KCNS1: variants seen among roughly 807,000 people sequenced by gnomAD.
KCNS1 encodes delayed-rectifier potassium channel regulatory subunit KCNS1.
A neutral mutation model predicts 33.1 loss-of-function variants in KCNS1; 26 were observed. That is an observed-to-expected ratio of 0.79 (90% confidence interval 0.58 to 1.09). The LOEUF (loss-of-function observed/expected upper bound fraction) is 1.09. Among genes scored for constraint, KCNS1 ranks in the 50% least tolerant of loss-of-function variants. KCNS1 has a pLI of 0.00. For synonymous variants in KCNS1, 299 were observed against 338.8 expected (o/e 0.88, Z 1.29); for missense variants, 702 against 752.4 (o/e 0.93, Z 0.78).
Position 45,097,970 on chromosome 20 carries a change from C to A in KCNS1, c.802G>T (p.Asp268Tyr). The A allele has an allele frequency of 2.6e-6, 4 of 1,553,738 alleles. No homozygotes were observed. The highest frequency in any genetic ancestry group is 3.5e-6 in the Non-Finnish European group (4 of 1,150,242). The change falls in exon 3 of 4, where the codon GAC becomes TAC. Residue 268 changes from aspartate to tyrosine, a missense_variant. Physicochemically the swap from Asp to Tyr is radical, Grantham distance 160. Coordinates refer to ENST00000537075, the MANE Select transcript of KCNS1 (RefSeq NM_001322799.2). ...AAGRSPEGVR[D>Y]DPVLRRLEYF... ...TCGAGGCGTCGCAGCACCGGGTCGT[C>A]GCGCACGCCTTCCGGGCTGCGGCCC...
At position 45,095,166 on chromosome 20, in the gene KCNS1, GCAC is replaced by G. The variant is rs1981143243; in HGVS notation, c.1282_1284del (p.Val428del). 1 of 1,613,954 alleles carries G rather than the reference GCAC, an allele frequency of 6.2e-7. No homozygotes were observed. Among genetic ancestry groups the G allele is most frequent in the Admixed American group, 1.7e-5 (1 of 60,008 alleles). On this transcript the variant is annotated inframe_deletion, in exon 4 of 4. Transcript: ENST00000537075. Reference sequence around the variant, plus strand: ...GCCAGCTTGCCAGCCACCGTCACTGGCACCACATCCCCATAGCCCACGGTGGTC... The same window carrying G: ...GCCAGCTTGCCAGCCACCGTCACTGGCACATCCCCATAGCCCACGGTGGTC...
At position 45,098,697 on chromosome 20, in the gene KCNS1, T is replaced by C; in HGVS notation, c.77-2A>G. On this transcript the variant is annotated splice_acceptor_variant, in intron 2 of 3. Coordinates refer to ENST00000537075, the MANE Select transcript of KCNS1 (RefSeq NM_001322799.2). LOFTEE classifies it high-confidence loss of function. This position sits in a 1 kb window ranked among gnomAD's most constrained non-coding sequence, Gnocchi z 5.2. The stretch of plus-strand genomic sequence containing the variant: ...TCACAAAGGTTTCAGTGCTCCTCCC[T>C]GCGGACACCAGAAGGGCGCGCTGAG... The C allele has an allele frequency of 7.1e-7, 1 of 1,408,148 alleles. No homozygotes were observed. The highest frequency in any genetic ancestry group is 9.2e-7 in the Non-Finnish European group (1 of 1,082,412). The allele number at this position is 1,408,148 out of a possible 1,614,324, so 87.2% of individuals were successfully genotyped here.
chr20:45,098,299 T>C lies in KCNS1; in HGVS notation c.473A>G (p.Glu158Gly). 1 of 1,580,002 alleles carries C rather than the reference T, an allele frequency of 6.3e-7. No homozygotes were observed. Among genetic ancestry groups the C allele is most frequent in the South Asian group, 1.1e-5 (1 of 87,590 alleles). Residue 158 changes from glutamate to glycine, a missense_variant, in exon 3 of 4, where the codon GAG becomes GGG. Physicochemically the swap from Glu to Gly is moderately conservative, Grantham distance 98 (BLOSUM62 -2). Around this residue, in one of 3 missense-constraint regions of KCNS1, gnomAD observed 374 missense variants for 352.3 expected, o/e 1.06. Coordinates refer to ENST00000537075, the MANE Select transcript of KCNS1 (RefSeq NM_001322799.2). This position sits in a 1 kb window ranked among gnomAD's most constrained non-coding sequence, Gnocchi z 5.2. ...LAACCRARYL[E>G]RRLTQPHAWD... The stretch of plus-strand genomic sequence containing the variant: ...GGCGTGCGGCTGGGTCAGCCGCCTC[T>C]CCAGGTAGCGCGCGCGGCAGCACGC...
At position 45,093,943 on chromosome 20, in the gene KCNS1, C is replaced by G. The variant is rs1419132081; in HGVS notation, c.*927G>C. On this transcript the variant is annotated 3_prime_UTR_variant, in exon 4 of 4. Coordinates refer to ENST00000537075, the MANE Select transcript of KCNS1 (RefSeq NM_001322799.2). ...CCTTGGCTTTCATTGCCCTCTGGGTCACAGATTCTGACCATTTGACAGAGG... is the reference window on the plus strand; with the variant it reads ...CCTTGGCTTTCATTGCCCTCTGGGTGACAGATTCTGACCATTTGACAGAGG... The G allele has an allele frequency of 6.6e-6, 1 of 152,252 alleles. No individual in the cohort carries two copies. Among genetic ancestry groups the G allele is most frequent in the African/African-American group, 2.4e-5 (1 of 41,426 alleles). The allele number at this position is 152,252 out of a possible 1,614,324, so 9.4% of individuals were successfully genotyped here.
chr20:45,096,644 G>A (rs1175834435), intron 3 of KCNS1, among the ~76,000 whole-genome samples: 5 of 152,194 alleles, frequency 3.3e-5, no homozygotes, highest in Admixed American at 1.3e-4. Flanking sequence ...GCCAGGCACA[G>A]GTGGGTTCTT....
intron 3 of KCNS1, among the ~76,000 whole-genome samples, chr20:45,097,071 T>C (rs1161648587): frequency 1.3e-5 from 2 of 152,260 alleles, no homozygotes; most frequent in Middle Eastern, 3.2e-3. Context: ...AACCAGGCTT[T>C]ACAGAGCCAA....
At chr20:45,100,220 C>G (rs1981347665) in intron 1 of KCNS1, 1 of 152,202 alleles carries the variant, frequency 6.6e-6, no homozygotes, top group African/African-American at 2.4e-5. Context: ...GTCTGTGGAA[C>G]CGGGTAGCAT....
rs1323767714 is a variant in KCNS1 at position 45,098,539 on chromosome 20, C to T, written c.233G>A (p.Arg78His). Residue 78 changes from arginine to histidine, a missense_variant, in exon 3 of 4, where the codon CGC (arginine) becomes CAC (histidine). Coordinates refer to ENST00000537075, the MANE Select transcript of KCNS1 (RefSeq NM_001322799.2). This position sits in a 1 kb window ranked among gnomAD's most constrained non-coding sequence, Gnocchi z 5.2. ...CTCCTCCGACGCCGCGGCCTGCAGGCGGCCCAGCCGCGTGCCCGGGAAGCG... is the reference window on the plus strand; with the variant it reads ...CTCCTCCGACGCCGCGGCCTGCAGGTGGCCCAGCCGCGTGCCCGGGAAGCG... ...LARFPGTRLG[R>H]LQAAASEEQA... 8 of 1,407,528 alleles carry T rather than the reference C, an allele frequency of 5.7e-6. No individual in the cohort carries two copies. The Admixed American group carries it at 1.2e-4, about 22-fold the overall frequency. The allele number at this position is 1,407,528 out of a possible 1,614,324, so 87.2% of individuals were successfully genotyped here. A position where few individuals can be genotyped will look rare whatever the true frequency, so the allele number is the denominator to read the frequency against.
At position 45,099,026 on chromosome 20, in the gene KCNS1, G is replaced by C. The variant is rs147732434; in HGVS notation, c.76+135C>G. The C allele has an allele frequency of 1.1e-3, 976 of 892,778 alleles. 6 individuals carry two copies. In the African/African-American group the frequency reaches 0.015, roughly 13 times the overall value. 55.3% of individuals were successfully genotyped at this position (892,778 alleles called of 1,614,324 possible). A position where few individuals can be genotyped will look rare whatever the true frequency, so the allele number is the denominator to read the frequency against. On this transcript the variant is annotated intron_variant, in intron 2 of 3. Transcript: ENST00000537075. ...GAATCGCAGGATGTCCTGGCACCTA[G>C]TGGGTGCTCACATAGGATGTCTCCT...
intron 3 of KCNS1, 118 bp downstream of exon 3, chr20:45,097,544 G>A: frequency 2.9e-6 from 3 of 1,028,998 alleles, no homozygotes; most frequent in Non-Finnish European, 4.2e-6. Context: ...CTGGCACAAA[G>A]GACGGCATCT....
At position 45,098,544 on chromosome 20, in the gene KCNS1, C is replaced by G; in HGVS notation, c.228G>C (p.Leu76=). 7.0e-7 allele frequency: 1 copy of G among 1,430,410 alleles called. No homozygotes were observed. 88.6% of individuals were successfully genotyped at this position (1,430,410 alleles called of 1,614,324 possible). The change falls in exon 3 of 4, where the codon CTG becomes CTC. Residue 76 remains leucine, a synonymous_variant. Transcript: ENST00000537075. This position sits in a 1 kb window ranked among gnomAD's most constrained non-coding sequence, Gnocchi z 5.2. ...CCGACGCCGCGGCCTGCAGGCGGCC[C>G]AGCCGCGTGCCCGGGAAGCGCGCCA... ...RALARFPGTR[L]GRLQAAASEE...
At chr20:45,095,765 G>GC (rs1981165619) in intron 3 of KCNS1, among the ~76,000 whole-genome samples, 1 of 152,184 alleles carries the variant, frequency 6.6e-6, no homozygotes, top group African/African-American at 2.4e-5. Flanking sequence ...CCTCCAGGAA[G>GC]CTGAGAGGAC....
chr20:45,091,545 T>C lies in KCNS1; in HGVS notation c.*3325A>G, dbSNP rs901877347. On this transcript the variant is annotated 3_prime_UTR_variant, in exon 4 of 4. Coordinates refer to ENST00000537075, the MANE Select transcript of KCNS1 (RefSeq NM_001322799.2). ...GGTGAATTTCACAGATACCCTTCTG[T>C]AGTGGGCCAGATGGTGGCCCCAAAC... 2.6e-5 allele frequency among the ~76,000 whole-genome samples: 4 copies of C among 152,208 alleles called. No homozygotes were observed. The highest frequency in any genetic ancestry group is 5.9e-5 in the Non-Finnish European group (4 of 68,038).
chr20:45,098,824 A>G lies in KCNS1; in HGVS notation c.77-129T>C. ...GCTGTGTGTGAAGCATCTGGTATGC[A>G]GGAGGCGCTCAGTAGATGTCAGGTG... On this transcript the variant is annotated intron_variant, in intron 2 of 3. Transcript: ENST00000537075. The surrounding 1 kb of genome is among the most constrained non-coding windows in gnomAD (Gnocchi z 5.2). The G allele has an allele frequency of 1.1e-6, 1 of 899,274 alleles. No homozygotes were observed. Among genetic ancestry groups the G allele is most frequent in the Non-Finnish European group, 1.6e-6 (1 of 644,736 alleles). 55.7% of individuals were successfully genotyped at this position (899,274 alleles called of 1,614,324 possible). A position where few individuals can be genotyped will look rare whatever the true frequency, so the allele number is the denominator to read the frequency against.
rs762923581 is a variant in KCNS1, at chr20:45,092,000, C to A, written c.*2870G>T. On this transcript the variant is annotated 3_prime_UTR_variant, in exon 4 of 4. Coordinates refer to ENST00000537075, the MANE Select transcript of KCNS1 (RefSeq NM_001322799.2). ...AATTTGTTACAGCAGCTGCTGGAAACTAATATATCTTCCAATAAATTCATT... is the reference window on the plus strand; with the variant it reads ...AATTTGTTACAGCAGCTGCTGGAAAATAATATATCTTCCAATAAATTCATT... Among the ~76,000 whole-genome samples the A allele has an allele frequency of 6.6e-6, 1 of 152,184 alleles. No individual in the cohort carries two copies. The highest frequency in any genetic ancestry group is 1.5e-5 in the Non-Finnish European group (1 of 68,028).
rs936259188 is a variant in KCNS1, at chr20:45,092,836, A to C, written c.*2034T>G. 2.6e-5 allele frequency: 4 copies of C among 151,730 alleles called. No individual in the cohort carries two copies. Among genetic ancestry groups the C allele is most frequent in the Non-Finnish European group, 4.4e-5 (3 of 67,936 alleles). 9.4% of individuals were successfully genotyped at this position (151,730 alleles called of 1,614,324 possible). The stretch of plus-strand genomic sequence containing the variant: ...CATTTGGATGGCAGGTTAGATTGTC[A>C]CTTGCTCAGGAAAGCCTTCTCACTT... On this transcript the variant is annotated 3_prime_UTR_variant, in exon 4 of 4. Coordinates refer to ENST00000537075, the MANE Select transcript of KCNS1 (RefSeq NM_001322799.2).
chr20:45,096,164 T>C (rs1981178706), intron 3 of KCNS1, among the ~76,000 whole-genome samples: 1 of 152,182 alleles, frequency 6.6e-6, no homozygotes, highest in African/African-American at 2.4e-5. Flanking sequence ...CGCAATCGCA[T>C]AGTCTTGGGT....
intron 3 of KCNS1, among the ~76,000 whole-genome samples, chr20:45,096,798 G>T (rs1220521219): frequency 6.6e-6 from 1 of 152,186 alleles, no homozygotes; most frequent in Non-Finnish European, 1.5e-5. Context: ...TCGGGACCAA[G>T]TCCAAAATCA....
rs1282675080 is a variant in KCNS1 at position 45,092,416 on chromosome 20, C to T, written c.*2454G>A. ...CAAACAGCCTCATGGTAGGCTCAGG[C>T]CAGATGATTCCCTCTTGAGCTTTCT... On this transcript the variant is annotated 3_prime_UTR_variant, in exon 4 of 4. Coordinates refer to ENST00000537075, the MANE Select transcript of KCNS1 (RefSeq NM_001322799.2). 2 of 152,156 alleles carry T rather than the reference C, an allele frequency of 1.3e-5. No individual in the cohort carries two copies. Among genetic ancestry groups the T allele is most frequent in the Non-Finnish European group, 2.9e-5 (2 of 68,056 alleles). 9.4% of individuals were successfully genotyped at this position (152,156 alleles called of 1,614,324 possible).
Sources: gnomAD v4.1 joint callset for allele counts (sites outside exome capture counted in the v4.1 genomes callset) on GRCh38, gnomAD v4.1.1 for gene constraint, gnomAD v4.1.1 regional missense constraint, Gnocchi (gnomAD v3.1) non-coding constraint, MANE v1.5 for transcripts, NCBI Gene and HGNC (gene_info 2026-07-23, HGNC 2026-07-21) for gene names.